The following NME7 variants were observed in gnomAD, a reference collection of about 807,000 sequenced individuals.
The protein encoded by NME7 is nucleoside diphosphate kinase 7.
Under a neutral mutation model 49.1 loss-of-function variants are expected in NME7, and 41 were observed. The ratio of observed to expected loss-of-function variants is 0.83; its 90% CI spans 0.65 to 1.08. The LOEUF is 1.08. Among genes scored for constraint, NME7 ranks in the 50% least tolerant of loss-of-function variants. The pLI is 0.00. For synonymous variants in NME7, 139 were observed against 150.6 expected (o/e 0.92, Z 0.56); for missense variants, 423 against 463.4 (o/e 0.91, Z 0.80).
intron 7 of NME7, among the ~76,000 whole-genome samples, chr1:169,272,456 C>G (rs1361959827): frequency 9.0e-6 from 1 of 110,956 alleles, no homozygotes. Context: ...CCCCGCCCCC[C>G]ATGACAGGCC....
rs912560958 is a variant in NME7 at position 169,143,810 on chromosome 1, T to C, written c.1099-10993A>G. ...GTAATATGAAACATGGATATGGTTA[T>C]GCCTTACTTCACTCTAATTAGTGAA... On this transcript the variant is annotated intron_variant, in intron 11 of 11. Coordinates refer to ENST00000367811, the MANE Select transcript of NME7 (RefSeq NM_013330.5). 5.9e-5 allele frequency among the ~76,000 whole-genome samples: 9 copies of C among 152,232 alleles called. 1 individual carries two copies. The highest frequency in any genetic ancestry group is 2.0e-4 in the Admixed American group (3 of 15,280).
At position 169,271,504 on chromosome 1, in the gene NME7, C is replaced by T. The variant is rs934653992; in HGVS notation, c.754+15799G>A. 3.0e-5 allele frequency among the ~76,000 whole-genome samples: 4 copies of T among 133,532 alleles called. 1 individual carries two copies. Among genetic ancestry groups the T allele is most frequent in the African/African-American group, 1.0e-4 (4 of 39,452 alleles). 87.6% of individuals were successfully genotyped at this position (133,532 alleles called of 152,430 possible). ...TATTATATCATGAACGCTGTCGTCT[C>T]AATCAGACGACTGCATTGAAAGCTC... On this transcript the variant is annotated intron_variant, in intron 7 of 11. Transcript: ENST00000367811.
intron 1 of NME7, 100 bp downstream of exon 1, chr1:169,367,608 G>T (rs1485260947): frequency 1.5e-6 from 2 of 1,337,958 alleles, no homozygotes; most frequent in African/African-American, 2.9e-5. Context: ...GGAGAAGGTC[G>T]GGAGGACCGG....
At chr1:169,286,110 C>T (rs1571356639) in intron 7 of NME7, 1 of 151,996 alleles carries the variant, frequency 6.6e-6, no homozygotes, top group Non-Finnish European at 1.5e-5. Flanking sequence ...GAAATGCTCA[C>T]AAAAATTATA....
At chr1:169,349,632 C>T (rs1653079007) in intron 1 of NME7, among the ~76,000 whole-genome samples, 1 of 151,948 alleles carries the variant, frequency 6.6e-6, no homozygotes. Context: ...AGGTTTAATC[C>T]ACAATGTATG....
chr1:169,188,961 T>C (rs1017468656), intron 10 of NME7, among the ~76,000 whole-genome samples: 1 of 152,192 alleles, frequency 6.6e-6, no homozygotes, highest in East Asian at 1.9e-4. Flanking sequence ...TTGCTTGTCA[T>C]GGACACTGTC....
In NME7 at chr1:169,138,315, T is replaced by A. The variant is rs1049322743; in HGVS notation, c.1099-5498A>T. 4.7e-5 allele frequency among the ~76,000 whole-genome samples: 7 copies of A among 150,062 alleles called. No homozygotes were observed. The East Asian group carries it at 1.4e-3, about 30-fold the overall frequency. On this transcript the variant is annotated intron_variant, in intron 11 of 11. Transcript: ENST00000367811. ...GACAGGGCGAGACTCCTCAAAAAAATAAATAAATAAAAATAAAAAAAAGAC... is the reference window on the plus strand; with the variant it reads ...GACAGGGCGAGACTCCTCAAAAAAAAAAATAAATAAAAATAAAAAAAAGAC...
chr1:169,252,190 GT>G (rs1451502360), intron 7 of NME7, among the ~76,000 whole-genome samples: 2 of 151,244 alleles, frequency 1.3e-5, no homozygotes, highest in Non-Finnish European at 2.9e-5. Flanking sequence ...GTGTAAAAGT[GT>G]TCCTATTTCT....
At chr1:169,216,058 T>G (rs865824282) in intron 10 of NME7, among the ~76,000 whole-genome samples, 4 of 152,356 alleles carry the variant, frequency 2.6e-5, no homozygotes, top group Admixed American at 6.5e-5. Context: ...ACCTGAAATT[T>G]GCTAAAAGAG....
intron 11 of NME7, among the ~76,000 whole-genome samples, chr1:169,149,234 G>A (rs375014038): frequency 1.1e-4 from 16 of 152,182 alleles, no homozygotes; most frequent in South Asian, 2.1e-4. Context: ...CCAGCTACTC[G>A]GGAGGCCAAG....
At chr1:169,326,675 T>C (rs1042395559) in intron 1 of NME7, among the ~76,000 whole-genome samples, 1 of 152,214 alleles carries the variant, frequency 6.6e-6, no homozygotes, top group Non-Finnish European at 1.5e-5. Flanking sequence ...ACAAATTATA[T>C]TCAAACTTGA....
At chr1:169,171,789 G>A (rs1357660863) in intron 10 of NME7, among the ~76,000 whole-genome samples, 1 of 150,546 alleles carries the variant, frequency 6.6e-6, no homozygotes, top group Non-Finnish European at 1.5e-5. Flanking sequence ...AACAAAAATG[G>A]TTGGTAATTC....
At chr1:169,155,974 C>G (rs1659056147) in intron 11 of NME7, among the ~76,000 whole-genome samples, 1 of 152,022 alleles carries the variant, frequency 6.6e-6, no homozygotes, top group Non-Finnish European at 1.5e-5. Flanking sequence ...GGCTCTATCT[C>G]AGGTCTACTG....
chr1:169,190,618 A>G, intron 10 of NME7: 2 of 428,814 alleles, frequency 4.7e-6, no homozygotes. Context: ...ACTTACATTT[A>G]AAAATGTTTG....
intron 7 of NME7, 112 bp downstream of exon 7, chr1:169,287,191 A>G: frequency 1.1e-6 from 1 of 925,166 alleles, no homozygotes; most frequent in Non-Finnish European, 1.7e-6. Context: ...TTCAAAGAAA[A>G]AAAATGGAAA....
At chr1:169,224,108 C>A (rs1277209973) in intron 10 of NME7, among the ~76,000 whole-genome samples, 1 of 152,312 alleles carries the variant, frequency 6.6e-6, no homozygotes, top group African/African-American at 2.4e-5. Context: ...GCTTCAATAT[C>A]CTGACCCAGG....
At chr1:169,291,210 C>G (rs1443223971) in intron 6 of NME7, among the ~76,000 whole-genome samples, 1 of 152,114 alleles carries the variant, frequency 6.6e-6, no homozygotes, top group East Asian at 1.9e-4. Context: ...CACATGCACA[C>G]GTATGTTTAT....
At chr1:169,322,730 C>A (rs1456184478) in intron 3 of NME7, among the ~76,000 whole-genome samples, 2 of 151,118 alleles carry the variant, frequency 1.3e-5, no homozygotes, top group African/African-American at 2.4e-5. Flanking sequence ...GCATTAGTTA[C>A]AAACAATCTA....
chr1:169,284,729 A>G (rs1650201043), intron 7 of NME7: 1 of 152,152 alleles, frequency 6.6e-6, no homozygotes, highest in Non-Finnish European at 1.5e-5. Flanking sequence ...TTTACATTTA[A>G]GTCTTTAATT....
Sources: allele counts gnomAD v4.1 joint callset (sites outside exome capture counted in the v4.1 genomes callset), GRCh38; gene constraint gnomAD v4.1.1; transcripts MANE v1.5; gene names NCBI Gene and HGNC (gene_info 2026-07-23, HGNC 2026-07-21).